LDLRAP1: variants seen among roughly 807,000 people sequenced by gnomAD.
The protein encoded by LDLRAP1 is low density lipoprotein receptor adapter protein 1.
Under a neutral mutation model 37.8 loss-of-function variants are expected in LDLRAP1, and 30 were observed. The ratio of observed to expected loss-of-function variants is 0.79; its 90% CI spans 0.59 to 1.08. LDLRAP1 has a LOEUF of 1.08. Among genes scored for constraint, LDLRAP1 ranks in the 50% least tolerant of loss-of-function variants. The pLI is 0.00. For synonymous variants in LDLRAP1, 156 were observed against 169.8 expected, an observed-to-expected ratio of 0.92 and a Z score of 0.63; for missense variants, 375 against 401.6, an observed-to-expected ratio of 0.93 and a Z score of 0.57.
At chr1:25,585,219 T>A in the LDLRAP1 span, among the ~76,000 whole-genome samples, 2 of 152,230 alleles carry the variant, frequency 1.3e-5, no homozygotes, top group Non-Finnish European at 2.9e-5. Flanking sequence ...TAGCTCTGAT[T>A]ATCTCTCTTT....
chr1:25,550,467 G>A (rs906673005), intron 1 of LDLRAP1, among the ~76,000 whole-genome samples: 1 of 152,180 alleles, frequency 6.6e-6, no homozygotes, highest in African/African-American at 2.4e-5. Flanking sequence ...AGGATAGAGG[G>A]AACTACTTGA....
At chr1:25,564,972 C>A in intron 7 of LDLRAP1, 1 of 615,766 alleles carries the variant, frequency 1.6e-6, no homozygotes. Flanking sequence ...TCTCCTCTCC[C>A]ACGTCTCCAG....
At chr1:25,557,448 G>T in intron 4 of LDLRAP1, 181 bp downstream of exon 4, 1 of 610,328 alleles carries the variant, frequency 1.6e-6, no homozygotes, top group Non-Finnish European at 2.9e-6. Context: ...TGGGGCTGCA[G>T]GCAGGCAGGT....
rs121908325 is a variant in LDLRAP1 at position 25,557,214 on chromosome 1, C to T, written c.406C>T (p.Gln136Ter). 4 of 1,614,074 alleles carry T rather than the reference C, an allele frequency of 2.5e-6. 1 individual carries two copies. The Middle Eastern group carries it at 4.9e-4, about 199-fold the overall frequency. The change falls in exon 4 of 9, where the codon CAG (glutamine) becomes TAG (stop). Residue 136 changes from glutamine to a stop codon, truncating the protein, a stop_gained. Coordinates refer to ENST00000374338, the MANE Select transcript of LDLRAP1 (RefSeq NM_015627.3). LOFTEE classifies it high-confidence loss of function. ...GGTGTTTGCATACATCGCCCAGAGC[C>T]AGCACAACCAGAGCCTCGAGTGCCA... ...DKVFAYIAQSQHNQSLECHAF... is the reference protein window; with the variant it reads ...DKVFAYIAQS
At chr1:25,558,381 C>T (rs570213667) in intron 4 of LDLRAP1, among the ~76,000 whole-genome samples, 2 of 152,354 alleles carry the variant, frequency 1.3e-5, no homozygotes, top group South Asian at 2.1e-4. Context: ...CATCAGGACA[C>T]ACTTTAGATA....
chr1:25,588,808 C>A, the LDLRAP1 span, among the ~76,000 whole-genome samples: 1 of 152,200 alleles, frequency 6.6e-6, no homozygotes, highest in Non-Finnish European at 1.5e-5. Context: ...AGGGGCAACC[C>A]ACCCCTTCAA....
chr1:25,565,176 C>T lies in LDLRAP1; in HGVS notation c.751C>T (p.Leu251=), dbSNP rs1159646734. 1 of 1,614,166 alleles carries T rather than the reference C, an allele frequency of 6.2e-7. No individual in the cohort carries two copies. Among genetic ancestry groups the T allele is most frequent in the African/African-American group, 1.3e-5 (1 of 75,080 alleles). ...CTCCTGCTTTGTTTTCCCCAAGGAG[C>T]TGGATGATGGCCTGGATGAAGCGTT... is the stretch of plus-strand genomic sequence containing the variant. The part of the protein sequence containing the change: ...ALSGSSVVWE[L]DDGLDEAFSR... Residue 251 remains leucine (L), a synonymous_variant, in exon 8 of 9, where the codon CTG becomes TTG. Coordinates refer to ENST00000374338, the MANE Select transcript of LDLRAP1 (RefSeq NM_015627.3).
At chr1:25,588,929 A>G in the LDLRAP1 span, among the ~76,000 whole-genome samples, 2,865 of 152,058 alleles carry the variant, frequency 0.019, 89 homozygotes, top group African/African-American at 0.065. Context: ...TTTAGGTCCT[A>G]TGTGCTCTCC....
chr1:25,566,034 T>C (rs3856240), intron 8 of LDLRAP1, among the ~76,000 whole-genome samples: 78,453 of 152,032 alleles, frequency 0.52, 20,722 homozygotes, highest in African/African-American at 0.63. Context: ...AGGGCGACAG[T>C]GACACCTTCC....
At chr1:25,584,505 G>A in the LDLRAP1 span, among the ~76,000 whole-genome samples, 3 of 152,254 alleles carry the variant, frequency 2.0e-5, no homozygotes, top group African/African-American at 7.2e-5. Flanking sequence ...CACCAGCAGA[G>A]GTCCCCAGGA....
Position 25,544,407 on chromosome 1 carries a change from A to ATC in LDLRAP1, c.88+623_88+624dup, listed in dbSNP as rs1352215717. 6.6e-6 allele frequency among the ~76,000 whole-genome samples: 1 copy of ATC among 152,178 alleles called. No individual in the cohort carries two copies. The highest frequency in any genetic ancestry group is 1.5e-5 in the Non-Finnish European group (1 of 68,032). Reference sequence around the variant, plus strand: ...CCTCGGGAGAGCCCCACATCAGGCGATCTAGACCCTTACGTCCCTTCCTCT... The same window carrying ATC: ...CCTCGGGAGAGCCCCACATCAGGCGATCTCTAGACCCTTACGTCCCTTCCTCT... On this transcript the variant is annotated intron_variant, in intron 1 of 8. Coordinates refer to ENST00000374338, the MANE Select transcript of LDLRAP1 (RefSeq NM_015627.3). The surrounding 1 kb of genome is among the most constrained non-coding windows in gnomAD (Gnocchi z 4.8).
the LDLRAP1 span, among the ~76,000 whole-genome samples, chr1:25,585,945 A>G: frequency 6.6e-6 from 1 of 152,032 alleles, no homozygotes; most frequent in South Asian, 2.1e-4. Context: ...TTTTTCTCTG[A>G]TTGTCAGTTT....
Position 25,554,189 on chromosome 1 carries a change from T to G in LDLRAP1, c.231+125T>G, listed in dbSNP as rs1054900903. On this transcript the variant is annotated intron_variant, in intron 2 of 8. Coordinates refer to ENST00000374338, the MANE Select transcript of LDLRAP1 (RefSeq NM_015627.3). The surrounding 1 kb of genome is among the most constrained non-coding windows in gnomAD (Gnocchi z 5.4). ...CTGAGCCTGGCCCTGCCCTTCATTC[T>G]CCTTCCATCCAGCTTTTGGGCCTTG... is the stretch of plus-strand genomic sequence containing the variant. 2.1e-5 allele frequency: 26 copies of G among 1,215,732 alleles called. No homozygotes were observed. The African/African-American group carries it at 3.7e-4, about 17-fold the overall frequency. The allele number at this position is 1,215,732 out of a possible 1,614,324, so 75.3% of individuals were successfully genotyped here.
the LDLRAP1 span, among the ~76,000 whole-genome samples, chr1:25,582,391 C>G: frequency 6.6e-6 from 1 of 151,896 alleles, no homozygotes; most frequent in Non-Finnish European, 1.5e-5. Flanking sequence ...TCGAGACCAT[C>G]CTGGCGAACA....
In LDLRAP1 at chr1:25,565,170, A is replaced by G. The variant is rs764835155; in HGVS notation, c.748-3A>G. The stretch of plus-strand genomic sequence containing the variant: ...TCTTATCTCCTGCTTTGTTTTCCCC[A>G]AGGAGCTGGATGATGGCCTGGATGA... On this transcript the variant is annotated splice_polypyrimidine_tract_variant and splice_region_variant and intron_variant, in intron 7 of 8. Coordinates refer to ENST00000374338, the MANE Select transcript of LDLRAP1 (RefSeq NM_015627.3). The G allele has an allele frequency of 1.2e-6, 2 of 1,613,976 alleles. No individual in the cohort carries two copies. The highest frequency in any genetic ancestry group is 2.2e-5 in the South Asian group (2 of 91,080).
the LDLRAP1 span, among the ~76,000 whole-genome samples, chr1:25,583,882 A>G: frequency 6.6e-6 from 1 of 152,062 alleles, no homozygotes; most frequent in Non-Finnish European, 1.5e-5. Flanking sequence ...ATGGATTCCT[A>G]TGACATGTGT....
At chr1:25,571,590 G>C (rs184322087), downstream of LDLRAP1, among the ~76,000 whole-genome samples, 39 of 152,358 alleles carry the variant, frequency 2.6e-4, no homozygotes, top group Admixed American at 5.2e-4. Context: ...ACCAAGGCCT[G>C]TGGCGGTTAC....
rs2044487051 is a variant in LDLRAP1, at chr1:25,566,604, G to A, written c.783-244G>A. The stretch of plus-strand genomic sequence containing the variant: ...CTGGGCATGTCCTGACTGAGCTGGG[G>A]CACAGAGTGGGTGCTCTGGCCTCTC... On this transcript the variant is annotated intron_variant, in intron 8 of 8. Coordinates refer to ENST00000374338, the MANE Select transcript of LDLRAP1 (RefSeq NM_015627.3). 5.3e-5 allele frequency among the ~76,000 whole-genome samples: 8 copies of A among 152,178 alleles called. 1 individual carries two copies. The South Asian group carries it at 1.7e-3, about 32-fold the overall frequency.
chr1:25,556,459 C>T (rs1039708503), intron 3 of LDLRAP1, among the ~76,000 whole-genome samples: 3 of 152,216 alleles, frequency 2.0e-5, no homozygotes, highest in Admixed American at 2.0e-4. Flanking sequence ...GCACCCCACC[C>T]CTACTCCCAG....
Sources: allele counts gnomAD v4.1 joint callset (sites outside exome capture counted in the v4.1 genomes callset), GRCh38; gene constraint gnomAD v4.1.1; non-coding constraint Gnocchi (gnomAD v3.1); transcripts MANE v1.5; gene names NCBI Gene and HGNC (gene_info 2026-07-23, HGNC 2026-07-21).